CUBN: variants seen among roughly 807,000 people sequenced by gnomAD.
The protein encoded by CUBN is 460 kDa receptor.
CUBN carries 282 observed loss-of-function variants against 405.3 expected under a neutral mutation model. The ratio of observed to expected loss-of-function variants is 0.70; its 90% CI spans 0.63 to 0.77. The LOEUF is 0.77. Ranked by LOEUF, CUBN falls within the 30% of genes least tolerant of loss-of-function variation. The pLI is 0.00. For missense variants in CUBN, 4,514 were observed against 4,475.2 expected, an observed-to-expected ratio of 1.01 and a Z score of -0.25; for synonymous variants, 1,684 against 1,617.0, an observed-to-expected ratio of 1.04 and a Z score of -0.99.
chr10:17,032,072 C>T (rs578013103), intron 27 of CUBN, among the ~76,000 whole-genome samples: 348 of 152,220 alleles, frequency 2.3e-3, no homozygotes, highest in African/African-American at 8.2e-3. Flanking sequence ...AGATAGACCT[C>T]GCCAGGGAGG....
At chr10:16,958,089 G>A (rs1206203766) in intron 31 of CUBN, among the ~76,000 whole-genome samples, 1 of 152,052 alleles carries the variant, frequency 6.6e-6, no homozygotes, top group Non-Finnish European at 1.5e-5. Flanking sequence ...GAGGAAATAA[G>A]GGGAACAAAA....
intron 50 of CUBN, among the ~76,000 whole-genome samples, chr10:16,905,868 T>A (rs546140589): frequency 1.3e-5 from 2 of 152,284 alleles, no homozygotes; most frequent in Non-Finnish European, 2.9e-5. Flanking sequence ...ACCCCAGCAC[T>A]TTGGGAGGCC....
At chr10:16,865,457 T>C (rs892569415) in intron 59 of CUBN, among the ~76,000 whole-genome samples, 3 of 151,940 alleles carry the variant, frequency 2.0e-5, no homozygotes, top group Admixed American at 6.5e-5. Context: ...GTCATCAGCA[T>C]GTGTGCTCTG....
intron 29 of CUBN, among the ~76,000 whole-genome samples, chr10:16,990,034 CA>C (rs1350499897): frequency 6.6e-6 from 1 of 152,256 alleles, no homozygotes; most frequent in Non-Finnish European, 1.5e-5. Context: ...AAGTTGCCCC[CA>C]GGGGCTCCCT....
At chr10:16,942,944 T>A (rs1030037010) in intron 36 of CUBN, among the ~76,000 whole-genome samples, 1 of 152,090 alleles carries the variant, frequency 6.6e-6, no homozygotes, top group African/African-American at 2.4e-5. Context: ...TTCTCTGTCA[T>A]GTGTATCTTT....
Position 16,890,465 on chromosome 10 carries a change from A to G in CUBN, c.8661T>C (p.Ala2887=), listed in dbSNP as rs1840971672. The G allele has an allele frequency of 6.2e-7, 1 of 1,614,124 alleles. No homozygotes were observed. Among genetic ancestry groups the G allele is most frequent in the Non-Finnish European group, 8.5e-7 (1 of 1,180,000 alleles). ...TACTTGGTGTGATAACGGGACCCGGAGCCACGTTCCCACAGCCAGTGGCTA... is the reference window on the plus strand; with the variant it reads ...TACTTGGTGTGATAACGGGACCCGGGGCCACGTTCCCACAGCCAGTGGCTA... ...ALLATGCGNV[A]PGPVITPSNT... Residue 2887 remains alanine, a synonymous_variant, in exon 55 of 67, where the codon GCT becomes GCC. Transcript: ENST00000377833.
chr10:16,918,501 G>A, intron 45 of CUBN, 121 bp downstream of exon 45: 1 of 728,580 alleles, frequency 1.4e-6, no homozygotes, highest in Non-Finnish European at 2.3e-6. Context: ...TTAGGTACTA[G>A]GCATAGTACC....
chr10:17,034,479 T>C (rs1834851967), intron 27 of CUBN, among the ~76,000 whole-genome samples: 1 of 152,242 alleles, frequency 6.6e-6, no homozygotes, highest in South Asian at 2.1e-4. Context: ...GGAGAGAGCA[T>C]TGAAGTGAGG....
rs780297992 is a variant in CUBN, at chr10:17,113,157, C to T, written c.883+870G>A. On this transcript the variant is annotated intron_variant, in intron 8 of 66. Transcript: ENST00000377833. ...AGGTGTGCCTGTAATCCCAGCTACTCGGGAGGGTGAGGCAGGAGAATCGCT... is the reference window on the plus strand; with the variant it reads ...AGGTGTGCCTGTAATCCCAGCTACTTGGGAGGGTGAGGCAGGAGAATCGCT... Among the ~76,000 whole-genome samples the T allele has an allele frequency of 3.3e-5, 5 of 151,918 alleles. 1 individual carries two copies. The highest frequency in any genetic ancestry group is 4.8e-5 in the African/African-American group (2 of 41,346).
intron 58 of CUBN, among the ~76,000 whole-genome samples, chr10:16,872,489 G>A (rs891312322): frequency 1.3e-5 from 2 of 151,972 alleles, no homozygotes; most frequent in Admixed American, 1.3e-4. Context: ...TAGGAAGTGG[G>A]GCCTATGGGA....
intron 31 of CUBN, among the ~76,000 whole-genome samples, chr10:16,974,441 T>G (rs79987036): frequency 6.6e-6 from 1 of 152,026 alleles, no homozygotes; most frequent in Middle Eastern, 3.4e-3. Flanking sequence ...TTTTTTTTTT[T>G]GAGAGGGAGT....
At chr10:17,103,311 G>T in intron 12 of CUBN, 74 bp from the exon 13 acceptor site, 1 of 898,846 alleles carries the variant, frequency 1.1e-6, no homozygotes, top group Non-Finnish European at 1.9e-6. Context: ...TAACCCTGCT[G>T]CTGATAAACT....
At chr10:16,864,825 T>A (rs187937466) in intron 59 of CUBN, among the ~76,000 whole-genome samples, 3 of 151,168 alleles carry the variant, frequency 2.0e-5, no homozygotes, top group African/African-American at 7.3e-5. Context: ...TAATTTTGTA[T>A]TTTTAGTAGA....
At chr10:16,923,468 C>T (rs116891533) in intron 43 of CUBN, among the ~76,000 whole-genome samples, 3 of 152,124 alleles carry the variant, frequency 2.0e-5, no homozygotes, top group African/African-American at 4.8e-5. Flanking sequence ...GCCAGATAGA[C>T]GTGGGAAGTA....
chr10:16,928,968 T>C lies in CUBN; in HGVS notation c.6125-665A>G, dbSNP rs112150693. ...TGTCGATTAGAGACTCTGACCTCAGTTACTCTGATTGCTGAAGGTCAAGTA... is the reference window on the plus strand; with the variant it reads ...TGTCGATTAGAGACTCTGACCTCAGCTACTCTGATTGCTGAAGGTCAAGTA... On this transcript the variant is annotated intron_variant, in intron 40 of 66. Transcript: ENST00000377833. 8.6e-4 allele frequency among the ~76,000 whole-genome samples: 127 copies of C among 148,210 alleles called. 1 individual carries two copies. The highest frequency in any genetic ancestry group is 3.1e-3 in the African/African-American group (124 of 39,864).
chr10:17,017,147 G>A (rs375380933), intron 28 of CUBN, among the ~76,000 whole-genome samples: 205 of 152,222 alleles, frequency 1.3e-3, no homozygotes, highest in African/African-American at 4.4e-3. Flanking sequence ...AAAACTGCCC[G>A]TGCTTTTGGT....
At chr10:17,119,853 TA>T (rs1055389931) in intron 6 of CUBN, among the ~76,000 whole-genome samples, 1 of 152,188 alleles carries the variant, frequency 6.6e-6, no homozygotes, top group African/African-American at 2.4e-5. Flanking sequence ...ATCATTGTTC[TA>T]AAAAAGAATT....
intron 48 of CUBN, among the ~76,000 whole-genome samples, chr10:16,911,357 T>C (rs1217870389): frequency 6.6e-6 from 1 of 152,128 alleles, no homozygotes; most frequent in Non-Finnish European, 1.5e-5. Context: ...TGGGAGACGA[T>C]TGGGAAAGTA....
At chr10:17,091,577 A>C (rs765990377) in intron 14 of CUBN, among the ~76,000 whole-genome samples, 2 of 152,122 alleles carry the variant, frequency 1.3e-5, no homozygotes, top group African/African-American at 4.8e-5. Context: ...TGTAGGTCTC[A>C]ATGAATAACT....
Sources: gnomAD v4.1 joint callset for allele counts (sites outside exome capture counted in the v4.1 genomes callset) on GRCh38, gnomAD v4.1.1 for gene constraint, MANE v1.5 for transcripts, NCBI Gene and HGNC (gene_info 2026-07-23, HGNC 2026-07-21) for gene names.